CSMD1: variants seen among roughly 807,000 people sequenced by gnomAD.
CSMD1 encodes the protein CUB and Sushi multiple domains 1, also known as CUB and sushi domain-containing protein 1.
A neutral mutation model predicts 417.5 loss-of-function variants in CSMD1; 213 were observed. The observed-to-expected ratio is 0.51, with a 90% CI of 0.46 to 0.57. The LOEUF (loss-of-function observed/expected upper bound fraction) is 0.57. CSMD1 is among the 20% of genes least tolerant of loss of function. The probability of loss-of-function intolerance (pLI) is 0.00; values close to 1 mark genes in which losing one functional copy is unlikely to be tolerated. For synonymous variants in CSMD1, 2,862 were observed against 1,736.8 expected (o/e 1.65, Z -16.11); for missense variants, 6,923 against 4,529.7 (o/e 1.53, Z -15.17).
chr8:4,677,037 G>GAGAATTATATATAT (rs1363548003), intron 1 of CSMD1, among the ~76,000 whole-genome samples: 1 of 142,432 alleles, frequency 7.0e-6, no homozygotes, highest in Non-Finnish European at 1.5e-5. Context: ...TTTATATAGA[G>GAGAATTATATATAT]AGAATTATAT....
intron 3 of CSMD1, among the ~76,000 whole-genome samples, chr8:4,192,548 C>G (rs968602710): frequency 3.9e-5 from 6 of 152,148 alleles, no homozygotes; most frequent in Non-Finnish European, 5.9e-5. Flanking sequence ...GGGCTTTTAT[C>G]TACATCAGCA....
intron 3 of CSMD1, among the ~76,000 whole-genome samples, chr8:4,188,267 C>G (rs1361790160): frequency 1.3e-5 from 2 of 152,160 alleles, no homozygotes; most frequent in Admixed American, 1.3e-4. Context: ...GGAGGCCACG[C>G]TTGCCCTAGA....
intron 10 of CSMD1, among the ~76,000 whole-genome samples, chr8:3,569,087 A>T (rs1226227234): frequency 6.6e-6 from 1 of 152,170 alleles, no homozygotes; most frequent in African/African-American, 2.4e-5. Context: ...CTTTGCATTG[A>T]CTTTCTACCA....
At chr8:3,926,559 T>C (rs887686007) in intron 5 of CSMD1, among the ~76,000 whole-genome samples, 1 of 151,874 alleles carries the variant, frequency 6.6e-6, no homozygotes, top group African/African-American at 2.4e-5. Context: ...TTGATTTAAT[T>C]TTTGATGATT....
chr8:4,139,154 T>G (rs1803622149), intron 3 of CSMD1, among the ~76,000 whole-genome samples: 1 of 152,200 alleles, frequency 6.6e-6, no homozygotes, highest in Admixed American at 6.5e-5. Flanking sequence ...CTACTGGTTT[T>G]ATCACATGAA....
chr8:4,032,645 C>T (rs1400915609), intron 3 of CSMD1, among the ~76,000 whole-genome samples: 2 of 152,148 alleles, frequency 1.3e-5, no homozygotes, highest in African/African-American at 4.8e-5. Context: ...ATGCATTGAT[C>T]CATCAATGTA....
chr8:4,015,470 G>A (rs11992654), intron 4 of CSMD1, among the ~76,000 whole-genome samples: 1 of 151,702 alleles, frequency 6.6e-6, no homozygotes, highest in Non-Finnish European at 1.5e-5. Context: ...ATTACGTAAG[G>A]CTTAACAATT....
chr8:3,521,391 A>G (rs962282058), intron 10 of CSMD1, among the ~76,000 whole-genome samples: 4 of 152,164 alleles, frequency 2.6e-5, no homozygotes, highest in African/African-American at 7.2e-5. Context: ...CTTCCCAGCA[A>G]CAATTCAGTG....
chr8:4,482,173 G>C (rs1056730854), intron 2 of CSMD1, among the ~76,000 whole-genome samples: 1 of 152,120 alleles, frequency 6.6e-6, no homozygotes, highest in African/African-American at 2.4e-5. Flanking sequence ...GGGGTTTGCT[G>C]TATAGATTAT....
chr8:4,713,923 T>C (rs141916822), intron 1 of CSMD1, among the ~76,000 whole-genome samples: 2,044 of 152,130 alleles, frequency 0.013, 51 homozygotes, highest in African/African-American at 0.046. Flanking sequence ...GGAGGGTGGA[T>C]CACTTGAGGT....
In CSMD1 at chr8:4,006,854, G is replaced by C. The variant is rs531133039; in HGVS notation, c.611-8744C>G. On this transcript the variant is annotated intron_variant, in intron 4 of 69. Transcript: ENST00000635120. The stretch of plus-strand genomic sequence containing the variant: ...TTTTTTTTTTTTTTTTTGAGATGGA[G>C]ACTCACTCTGTTGCCCAGGCTGGAG... Among the ~76,000 whole-genome samples, 13 of 124,668 alleles carry C rather than the reference G, an allele frequency of 1.0e-4. No individual in the cohort carries two copies. The East Asian group carries it at 1.7e-3, about 16-fold the overall frequency. 81.8% of individuals were successfully genotyped at this position (124,668 alleles called of 152,430 possible). A position where few individuals can be genotyped will look rare whatever the true frequency, so the allele number is the denominator to read the frequency against.
At chr8:4,432,093 G>C (rs778894098) in intron 2 of CSMD1, among the ~76,000 whole-genome samples, 7 of 152,074 alleles carry the variant, frequency 4.6e-5, no homozygotes, top group Non-Finnish European at 1.0e-4. Flanking sequence ...CAGAAATATT[G>C]GCTATTGAGT....
chr8:3,928,181 G>C (rs558156108), intron 5 of CSMD1, among the ~76,000 whole-genome samples: 1 of 152,102 alleles, frequency 6.6e-6, no homozygotes, highest in East Asian at 1.9e-4. Flanking sequence ...GCTCAGAAAA[G>C]AACATGAGAA....
intron 10 of CSMD1, among the ~76,000 whole-genome samples, chr8:3,556,993 T>G (rs759935702): frequency 6.6e-6 from 1 of 152,200 alleles, no homozygotes; most frequent in Non-Finnish European, 1.5e-5. Context: ...CCCAGTCCTT[T>G]GCAGTATCCT....
intron 1 of CSMD1, among the ~76,000 whole-genome samples, chr8:4,712,871 A>C (rs1444781342): frequency 6.6e-6 from 1 of 152,250 alleles, no homozygotes; most frequent in Non-Finnish European, 1.5e-5. Flanking sequence ...TTTAGTAGAC[A>C]TCCATGCCGA....
At chr8:3,886,060 TA>T (rs1476709236) in intron 5 of CSMD1, among the ~76,000 whole-genome samples, 5 of 152,118 alleles carry the variant, frequency 3.3e-5, no homozygotes, top group African/African-American at 7.2e-5. Flanking sequence ...CATTTATTAT[TA>T]TTTTTTTGAG....
chr8:3,992,042 G>C (rs753502468), intron 5 of CSMD1, among the ~76,000 whole-genome samples: 19 of 151,920 alleles, frequency 1.3e-4, no homozygotes, highest in African/African-American at 3.9e-4. Context: ...TTTATGAATA[G>C]AGCTACAATA....
At chr8:3,817,252 C>CTTTTTTTTTTTTTTTTTTTTTTTTTT (rs767668610) in intron 5 of CSMD1, among the ~76,000 whole-genome samples, 1 of 54,390 alleles carries the variant, frequency 1.8e-5, no homozygotes, top group Non-Finnish European at 3.4e-5. Flanking sequence ...TCTTCTTCTT[C>CTTTTTTTTTTTTTTTTTTTTTTTTTT]TTTTTTTTTT....
At chr8:3,150,849 C>T (rs889511287) in intron 40 of CSMD1, among the ~76,000 whole-genome samples, 4 of 151,920 alleles carry the variant, frequency 2.6e-5, no homozygotes, top group African/African-American at 9.7e-5. Flanking sequence ...TAATAGTATA[C>T]ACAACAATTA....
Sources: allele counts gnomAD v4.1 joint callset (sites outside exome capture counted in the v4.1 genomes callset), GRCh38; gene constraint gnomAD v4.1.1; transcripts MANE v1.5; gene names NCBI Gene and HGNC (gene_info 2026-07-23, HGNC 2026-07-21).